Variants in DDAH1 observed in about 807,000 individuals in gnomAD.
DDAH1 encodes N(G),N(G)-dimethylarginine dimethylaminohydrolase 1.
DDAH1 carries 19 observed loss-of-function variants against 28.8 expected under a neutral mutation model. The observed-to-expected ratio is 0.66, with a 90% CI of 0.46 to 0.97. DDAH1 has a LOEUF of 0.97. Ranked by LOEUF, DDAH1 falls within the 50% of genes least tolerant of loss-of-function variation. DDAH1 has a pLI of 0.00. For missense variants in DDAH1, 326 were observed against 375.9 expected, an observed-to-expected ratio of 0.87 and a Z score of 1.10; for synonymous variants, 153 against 154.4, an observed-to-expected ratio of 0.99 and a Z score of 0.07.
At chr1:85,466,374 C>G (rs189651979), upstream of DDAH1, among the ~76,000 whole-genome samples, 136 of 152,332 alleles carry the variant, frequency 8.9e-4, no homozygotes, top group Non-Finnish European at 1.5e-3. Flanking sequence ...CCTCAGCCTC[C>G]TGAGTAGCTG....
At chr1:85,362,783 A>ATAT (rs1649861424) in intron 1 of DDAH1, among the ~76,000 whole-genome samples, 1 of 152,190 alleles carries the variant, frequency 6.6e-6, no homozygotes, top group African/African-American at 2.4e-5. Flanking sequence ...GTAGTTGATG[A>ATAT]TATTATTATT....
At chr1:85,419,011 C>T (rs1039084032) in intron 1 of DDAH1, among the ~76,000 whole-genome samples, 1 of 152,040 alleles carries the variant, frequency 6.6e-6, no homozygotes, top group African/African-American at 2.4e-5. Context: ...ACTGGTTCTG[C>T]CCAACTTTTC....
intron 1 of DDAH1, among the ~76,000 whole-genome samples, chr1:85,448,655 A>C (rs1039376905): frequency 6.6e-6 from 1 of 152,188 alleles, no homozygotes; most frequent in African/African-American, 2.4e-5. Context: ...CTGCCAAAGG[A>C]TCTGCATCAC....
intron 1 of DDAH1, among the ~76,000 whole-genome samples, chr1:85,536,983 A>ATATG (rs1658307318): frequency 4.1e-5 from 1 of 24,338 alleles, no homozygotes; most frequent in Non-Finnish European, 9.2e-5. Context: ...ATATATATAT[A>ATATG]TACGTATATA....
chr1:85,559,324 T>C (rs1659074597), intron 1 of DDAH1, among the ~76,000 whole-genome samples: 1 of 152,146 alleles, frequency 6.6e-6, no homozygotes, highest in Non-Finnish European at 1.5e-5. Flanking sequence ...TATATTAAAA[T>C]AGGCCTCGAA....
At chr1:85,389,489 G>T (rs926373490) in intron 1 of DDAH1, among the ~76,000 whole-genome samples, 2 of 152,156 alleles carry the variant, frequency 1.3e-5, no homozygotes, top group African/African-American at 4.8e-5. Flanking sequence ...TCACTGAACA[G>T]ATGTGTGTTG....
At chr1:85,439,571 A>G (rs913360997) in intron 1 of DDAH1, among the ~76,000 whole-genome samples, 2 of 152,200 alleles carry the variant, frequency 1.3e-5, no homozygotes, top group African/African-American at 2.4e-5. Flanking sequence ...CTTGTTTCTT[A>G]TATCTGTTTT....
At chr1:85,495,551 A>G (rs1487632896) in intron 2 of DDAH1, 3 of 152,258 alleles carry the variant, frequency 2.0e-5, no homozygotes, top group Admixed American at 6.5e-5. Context: ...CAAAGGTCTC[A>G]CTGGATCTCA....
rs188439126 is a variant in DDAH1 at position 85,420,653 on chromosome 1, A to T, written c.303+44090T>A. ...CTTGGTAGCCTGGACTTCACTGTGC[A>T]TACCACTGTCAGCATTTTGGTCACA... On this transcript the variant is annotated intron_variant, in intron 1 of 5. Transcript: ENST00000284031. Among the ~76,000 whole-genome samples, 3 of 152,340 alleles carry T rather than the reference A, an allele frequency of 2.0e-5. No homozygotes were observed. The East Asian group carries it at 5.8e-4, about 29-fold the overall frequency.
chr1:85,326,013 C>T (rs1178522583), intron 4 of DDAH1, among the ~76,000 whole-genome samples: 1 of 152,186 alleles, frequency 6.6e-6, no homozygotes, highest in African/African-American at 2.4e-5. Flanking sequence ...AAATGTGCTT[C>T]ATATTACTAG....
chr1:85,492,785 C>T (rs1656451318), intron 2 of DDAH1, among the ~76,000 whole-genome samples: 1 of 152,114 alleles, frequency 6.6e-6, no homozygotes, highest in Admixed American at 6.6e-5. Context: ...TGTTAAATGA[C>T]ATTTTGTAGT....
intron 1 of DDAH1, among the ~76,000 whole-genome samples, chr1:85,561,599 ATTGTG>A (rs1206703017): frequency 6.6e-6 from 1 of 152,106 alleles, no homozygotes; most frequent in African/African-American, 2.4e-5. Context: ...AGTGTATTAT[ATTGTG>A]TTAAGTACCA....
chr1:85,507,527 T>TAAATAAATAAATAAACAAACAAAC lies in DDAH1; in HGVS notation c.-122-11247_-122-11246insGTTTGTTTGTTTATTTATTTATTT, dbSNP rs71075841. Among the ~76,000 whole-genome samples, 993 of 149,346 alleles carry TAAATAAATAAATAAACAAACAAAC rather than the reference T, an allele frequency of 6.6e-3. 13 individuals are homozygous for TAAATAAATAAATAAACAAACAAAC. The highest frequency in any genetic ancestry group is 0.017 in the African/African-American group (700 of 40,756). On this transcript the variant is annotated intron_variant, in intron 1 of 6. Transcript: ENST00000426972. ...CACAATAAATAAATAAATAAATAAA[T>TAAATAAATAAATAAACAAACAAAC]AAACAAACAAACAGCATCTCCTAAA...
chr1:85,353,542 T>C (rs1339194936), intron 2 of DDAH1, among the ~76,000 whole-genome samples: 1 of 152,154 alleles, frequency 6.6e-6, no homozygotes, highest in African/African-American at 2.4e-5. Flanking sequence ...AATGGCATGA[T>C]TGTGTTGTCC....
chr1:85,359,673 T>C (rs1222428690), intron 1 of DDAH1, among the ~76,000 whole-genome samples: 1 of 152,232 alleles, frequency 6.6e-6, no homozygotes, highest in Non-Finnish European at 1.5e-5. Flanking sequence ...GTGTTAGTTA[T>C]ATTCAAACAG....
Position 85,358,735 on chromosome 1 carries a change from A to G in DDAH1, c.403+13T>C. The G allele has an allele frequency of 6.6e-7, 1 of 1,520,154 alleles. No homozygotes were observed. The highest frequency in any genetic ancestry group is 9.0e-7 in the Non-Finnish European group (1 of 1,114,794). The allele number at this position is 1,520,154 out of a possible 1,614,324, so 94.2% of individuals were successfully genotyped here. A position where few individuals can be genotyped will look rare whatever the true frequency, so the allele number is the denominator to read the frequency against. On this transcript the variant is annotated intron_variant, in intron 2 of 5. Coordinates refer to ENST00000284031, the MANE Select transcript of DDAH1 (RefSeq NM_012137.4). ...AAAATATTCTTGGATAGAAAAAATA[A>G]ATACAACTATACCTGTGAATAAAAC...
chr1:85,428,122 TCCAGTTATCCATCTG>T (rs1336885804), intron 1 of DDAH1, among the ~76,000 whole-genome samples: 1 of 152,176 alleles, frequency 6.6e-6, no homozygotes, highest in Non-Finnish European at 1.5e-5. Context: ...CCAAGATCCT[TCCAGTTATCCATCTG>T]CCTTTTCAGA....
chr1:85,416,618 T>C (rs1652898802), intron 1 of DDAH1, among the ~76,000 whole-genome samples: 1 of 152,330 alleles, frequency 6.6e-6, no homozygotes, highest in Non-Finnish European at 1.5e-5. Flanking sequence ...GAATTTAGAA[T>C]AGTGTGGTCA....
chr1:85,407,291 T>C (rs1224825113), intron 1 of DDAH1, among the ~76,000 whole-genome samples: 4 of 152,192 alleles, frequency 2.6e-5, no homozygotes, highest in Non-Finnish European at 2.9e-5. Flanking sequence ...TCAGTATGCT[T>C]GAAAAAATCT....
Sources: allele counts gnomAD v4.1 joint callset (sites outside exome capture counted in the v4.1 genomes callset), GRCh38; gene constraint gnomAD v4.1.1; transcripts MANE v1.5; gene names NCBI Gene and HGNC (gene_info 2026-07-23, HGNC 2026-07-21).